Variants in GRID2 observed in about 807,000 individuals in gnomAD.
The protein encoded by GRID2 is glutamate ionotropic receptor delta type subunit 2.
A neutral mutation model predicts 114.8 loss-of-function variants in GRID2; 33 were observed. That is an observed-to-expected ratio of 0.29 (90% CI 0.22 to 0.38). The LOEUF (loss-of-function observed/expected upper bound fraction) is 0.38. GRID2 is among the 10% of genes least tolerant of loss of function. The pLI, the probability that GRID2 is intolerant of heterozygous loss-of-function variation, is 1.00. For missense variants in GRID2, 1,184 were observed against 1,257.7 expected, an observed-to-expected ratio of 0.94 and a Z score of 0.89; for synonymous variants, 505 against 449.9, an observed-to-expected ratio of 1.12 and a Z score of -1.55.
chr4:93,380,821 T>C (rs1763782046), intron 8 of GRID2, among the ~76,000 whole-genome samples: 1 of 151,958 alleles, frequency 6.6e-6, no homozygotes. Flanking sequence ...AAAACAACTG[T>C]TTTATTACTA....
intron 1 of GRID2, among the ~76,000 whole-genome samples, chr4:92,533,181 T>TA (rs1725431273): frequency 1.5e-4 from 22 of 143,964 alleles, no homozygotes; most frequent in Middle Eastern, 3.7e-3. Flanking sequence ...ACAACTTTGG[T>TA]GTGTTTTTTT....
At chr4:92,987,345 C>T (rs1754566705) in intron 2 of GRID2, among the ~76,000 whole-genome samples, 1 of 152,178 alleles carries the variant, frequency 6.6e-6, no homozygotes, top group East Asian at 1.9e-4. Flanking sequence ...AATGGCTTCA[C>T]TGAGAAATTG....
intron 2 of GRID2, among the ~76,000 whole-genome samples, chr4:92,974,599 C>T (rs1753733705): frequency 6.6e-6 from 1 of 151,730 alleles, no homozygotes; most frequent in South Asian, 2.1e-4. Context: ...AGAAAACCAT[C>T]TGCATGTTCT....
At chr4:92,789,061 A>G (rs1346190131) in intron 2 of GRID2, among the ~76,000 whole-genome samples, 2 of 151,904 alleles carry the variant, frequency 1.3e-5, no homozygotes, top group Non-Finnish European at 2.9e-5. Context: ...ATTTTGTCAG[A>G]TATACAATTC....
chr4:92,965,493 A>G (rs1253670955), intron 2 of GRID2, among the ~76,000 whole-genome samples: 1 of 141,472 alleles, frequency 7.1e-6, no homozygotes, highest in Admixed American at 7.1e-5. Flanking sequence ...AAAAAAACAC[A>G]CAACATCTGG....
At chr4:93,169,051 T>G (rs1432000728) in intron 4 of GRID2, among the ~76,000 whole-genome samples, 2 of 152,012 alleles carry the variant, frequency 1.3e-5, no homozygotes, top group Non-Finnish European at 2.9e-5. Flanking sequence ...AAGTACTATT[T>G]TTTAAAAAAC....
At chr4:92,765,513 T>C (rs1465592116) in intron 2 of GRID2, among the ~76,000 whole-genome samples, 5 of 127,548 alleles carry the variant, frequency 3.9e-5, no homozygotes, top group African/African-American at 5.4e-5. Flanking sequence ...AGACAAGCTA[T>C]TTTTTTTTTT....
At chr4:92,787,797 T>C (rs1265158275) in intron 2 of GRID2, among the ~76,000 whole-genome samples, 2 of 151,922 alleles carry the variant, frequency 1.3e-5, no homozygotes, top group East Asian at 3.9e-4. Flanking sequence ...ATTATCCTGA[T>C]AAGAGATGGT....
At chr4:92,825,246 A>G (rs1369147046) in intron 2 of GRID2, among the ~76,000 whole-genome samples, 1 of 152,096 alleles carries the variant, frequency 6.6e-6, no homozygotes, top group South Asian at 2.1e-4. Context: ...AAATCATCCT[A>G]TGAACTCAAG....
intron 8 of GRID2, among the ~76,000 whole-genome samples, chr4:93,347,034 T>C (rs1239159907): frequency 6.6e-6 from 1 of 152,070 alleles, no homozygotes. Flanking sequence ...TCTTTCGGTC[T>C]TTCCTTGCCT....
At chr4:92,586,355 T>TAC (rs200184543) in intron 1 of GRID2, among the ~76,000 whole-genome samples, 8,934 of 145,884 alleles carry the variant, frequency 0.061, 283 homozygotes, top group Non-Finnish European at 0.07. Context: ...ACAAAAAATC[T>TAC]ACACACACAC....
chr4:93,504,746 T>A (rs1300939075), intron 12 of GRID2, among the ~76,000 whole-genome samples: 1 of 151,924 alleles, frequency 6.6e-6, no homozygotes, highest in East Asian at 1.9e-4. Flanking sequence ...TTGTAAAGAC[T>A]ACCATGACCT....
intron 13 of GRID2, among the ~76,000 whole-genome samples, chr4:93,527,365 A>G (rs1731017839): frequency 6.6e-6 from 1 of 152,140 alleles, no homozygotes; most frequent in Non-Finnish European, 1.5e-5. Flanking sequence ...TTTGCCTAGG[A>G]GATAATAAAA....
chr4:92,580,082 C>A (rs12505567), intron 1 of GRID2, among the ~76,000 whole-genome samples: 39,582 of 148,022 alleles, frequency 0.27, 5,445 homozygotes, highest in Middle Eastern at 0.37. Context: ...GTATAATTTG[C>A]TGTTATATAT....
chr4:93,064,649 G>A (rs1477282067), intron 2 of GRID2, among the ~76,000 whole-genome samples: 1 of 151,702 alleles, frequency 6.6e-6, no homozygotes, highest in Non-Finnish European at 1.5e-5. Context: ...TAAAAGATTG[G>A]GTTTAACCAA....
chr4:92,742,117 A>T (rs1434202657), intron 2 of GRID2, among the ~76,000 whole-genome samples: 1 of 152,190 alleles, frequency 6.6e-6, no homozygotes, highest in Non-Finnish European at 1.5e-5. Context: ...TTGGTTTAAA[A>T]ATATCTTTTC....
chr4:93,707,130 T>A (rs28876500), intron 14 of GRID2, among the ~76,000 whole-genome samples: 3,776 of 152,238 alleles, frequency 0.025, 76 homozygotes, highest in Admixed American at 0.048. Context: ...GGATTTTGCA[T>A]CAGCATTCAT....
intron 14 of GRID2, among the ~76,000 whole-genome samples, chr4:93,675,141 G>T (rs1424540635): frequency 6.6e-6 from 1 of 152,014 alleles, no homozygotes; most frequent in East Asian, 1.9e-4. Context: ...CAAATAACGT[G>T]AACCTGTCAT....
At chr4:92,727,251 A>T in intron 2 of GRID2, among the ~76,000 whole-genome samples, 1 of 152,102 alleles carries the variant, frequency 6.6e-6, no homozygotes, top group East Asian at 1.9e-4. Flanking sequence ...CTTAATTTAC[A>T]AAATGGTGTT....
Sources: allele counts gnomAD v4.1 joint callset (sites outside exome capture counted in the v4.1 genomes callset), GRCh38; gene constraint gnomAD v4.1.1; transcripts MANE v1.5; gene names NCBI Gene and HGNC (gene_info 2026-07-23, HGNC 2026-07-21).